NTN1: variants seen among roughly 807,000 people sequenced by gnomAD.
The protein encoded by NTN1 is netrin-1.
NTN1 carries 11 observed loss-of-function variants against 54.2 expected under a neutral mutation model. The observed-to-expected ratio is 0.20, with a 90% CI of 0.13 to 0.34. The LOEUF is 0.34. Among genes scored for constraint, NTN1 ranks in the 10% least tolerant of loss-of-function variants. NTN1 has a pLI of 1.00. For missense variants in NTN1, 740 were observed against 893.1 expected (o/e 0.83, Z 2.18); for synonymous variants, 371 against 382.0 (o/e 0.97, Z 0.33).
In NTN1 at chr17:9,240,196, C is replaced by T. The variant is rs368067419; in HGVS notation, c.*228C>T. The T allele has an allele frequency of 7.0e-3, 1,142 of 162,776 alleles. 8 individuals are homozygous for T. Among genetic ancestry groups the T allele is most frequent in the South Asian group, 0.021 (103 of 5,002 alleles). 10.1% of individuals were successfully genotyped at this position (162,776 alleles called of 1,614,324 possible). On this transcript the variant is annotated 3_prime_UTR_variant, in exon 7 of 7. Transcript: ENST00000173229. ...CGCGTGCACGCGGGGCGGGGTGCGCCGCCGGCCGGGCCCTGGAGAAATGAC... is the reference window on the plus strand; with the variant it reads ...CGCGTGCACGCGGGGCGGGGTGCGCTGCCGGCCGGGCCCTGGAGAAATGAC...
At chr17:9,105,884 G>C (rs1490831996) in intron 2 of NTN1, among the ~76,000 whole-genome samples, 1 of 151,962 alleles carries the variant, frequency 6.6e-6, no homozygotes, top group Non-Finnish European at 1.5e-5. Context: ...GGAAATGAAT[G>C]GTGAGCAGAC....
chr17:9,108,053 T>C (rs1278850733), intron 2 of NTN1, among the ~76,000 whole-genome samples: 1 of 152,208 alleles, frequency 6.6e-6, no homozygotes, highest in Non-Finnish European at 1.5e-5. Flanking sequence ...AATCAAAGAT[T>C]ATAGGCTTGG....
intron 2 of NTN1, among the ~76,000 whole-genome samples, chr17:9,038,389 T>C (rs115450816): frequency 0.016 from 2,494 of 152,216 alleles, 62 homozygotes; most frequent in African/African-American, 0.057. Flanking sequence ...TGTTTTCCCC[T>C]CCTCCCATTT....
intron 5 of NTN1, among the ~76,000 whole-genome samples, chr17:9,197,681 G>C (rs979895075): frequency 1.3e-4 from 20 of 149,908 alleles, no homozygotes; most frequent in African/African-American, 4.7e-4. Flanking sequence ...AAAGAAGGAA[G>C]AAAAAGAAAA....
At chr17:9,010,785 G>A in the NTN1 span, among the ~76,000 whole-genome samples, 1 of 152,192 alleles carries the variant, frequency 6.6e-6, no homozygotes, top group Non-Finnish European at 1.5e-5. Flanking sequence ...TGGGACCAAG[G>A]ACCAGTTTTG....
rs1391109555 is a variant in NTN1 at position 9,135,150 on chromosome 17, C to T, written c.1019-27663C>T. Among the ~76,000 whole-genome samples, 3 of 152,172 alleles carry T rather than the reference C, an allele frequency of 2.0e-5. No individual in the cohort carries two copies. Among genetic ancestry groups the T allele is most frequent in the Non-Finnish European group, 4.4e-5 (3 of 68,020 alleles). ...CCCCTGATGCTCCCGGCCCATCCTCCCTTCTCTACCCCATTCCTTTGTCTT... is the reference window on the plus strand; with the variant it reads ...CCCCTGATGCTCCCGGCCCATCCTCTCTTCTCTACCCCATTCCTTTGTCTT... On this transcript the variant is annotated intron_variant, in intron 2 of 6. Transcript: ENST00000173229. The surrounding 1 kb of genome is among the most constrained non-coding windows in gnomAD (Gnocchi z 4.4).
intron 2 of NTN1, among the ~76,000 whole-genome samples, chr17:9,026,600 C>CA (rs895001391): frequency 6.6e-6 from 1 of 151,866 alleles, no homozygotes; most frequent in African/African-American, 2.4e-5. Context: ...ACATTCAAGG[C>CA]AAAATGCATG....
intron 6 of NTN1, among the ~76,000 whole-genome samples, chr17:9,229,168 G>A (rs1905721603): frequency 1.9e-5 from 1 of 53,162 alleles, no homozygotes; most frequent in Non-Finnish European, 3.6e-5. Flanking sequence ...GTGTGAGACT[G>A]TGTGTGTGTG....
chr17:9,124,752 C>T (rs1265381420), intron 2 of NTN1, among the ~76,000 whole-genome samples: 6 of 152,174 alleles, frequency 3.9e-5, no homozygotes, highest in Non-Finnish European at 8.8e-5. Context: ...TGGTCAGCCA[C>T]GGCGGCAGAG....
intron 2 of NTN1, among the ~76,000 whole-genome samples, chr17:9,141,831 G>T (rs1034168515): frequency 3.3e-5 from 5 of 152,156 alleles, no homozygotes; most frequent in African/African-American, 1.2e-4. Context: ...GGAAGCTGAG[G>T]CGGGTGGATC....
chr17:9,030,914 T>TAGAA (rs902540682), intron 2 of NTN1, among the ~76,000 whole-genome samples: 2 of 152,188 alleles, frequency 1.3e-5, no homozygotes, highest in African/African-American at 4.8e-5. Context: ...AGGAAGGTGC[T>TAGAA]AGAAGTCTGT....
At position 9,212,573 on chromosome 17, in the gene NTN1, T is replaced by G. The variant is rs557117817; in HGVS notation, c.1412-8595T>G. Among the ~76,000 whole-genome samples the G allele has an allele frequency of 6.6e-6, 1 of 152,300 alleles. No homozygotes were observed. Among genetic ancestry groups the G allele is most frequent in the East Asian group, 1.9e-4 (1 of 5,168 alleles). ...ATGGACAGAGCTGGCTGGGTGCCCC[T>G]GTTAGCCCCAGCCTTTCTCCCCTTA... On this transcript the variant is annotated intron_variant, in intron 5 of 6. Coordinates refer to ENST00000173229, the MANE Select transcript of NTN1 (RefSeq NM_004822.3). This position sits in a 1 kb window ranked among gnomAD's most constrained non-coding sequence, Gnocchi z 5.5.
chr17:9,169,662 T>G (rs2092381896), intron 3 of NTN1, among the ~76,000 whole-genome samples: 2 of 152,176 alleles, frequency 1.3e-5, no homozygotes, highest in South Asian at 2.1e-4. Flanking sequence ...GTCAGGATTT[T>G]GAGACCAGCC....
chr17:9,020,234 C>T (rs1459718910), upstream of NTN1, among the ~76,000 whole-genome samples: 13 of 152,260 alleles, frequency 8.5e-5, no homozygotes, highest in African/African-American at 3.1e-4. Context: ...GAACCAGGAC[C>T]TGGGGCTTTT....
chr17:9,185,691 C>T (rs2142322396), intron 5 of NTN1, among the ~76,000 whole-genome samples: 1 of 152,292 alleles, frequency 6.6e-6, no homozygotes, highest in African/African-American at 2.4e-5. Context: ...CTGGCACTCA[C>T]CTACTTGTTG....
chr17:9,229,889 C>T (rs1056434424), intron 6 of NTN1, among the ~76,000 whole-genome samples: 1 of 152,050 alleles, frequency 6.6e-6, no homozygotes, highest in African/African-American at 2.4e-5. Context: ...CACTATGGAG[C>T]TGATGTGGGT....
At chr17:9,115,475 A>G (rs2092208193) in intron 2 of NTN1, among the ~76,000 whole-genome samples, 1 of 152,276 alleles carries the variant, frequency 6.6e-6, no homozygotes, top group South Asian at 2.1e-4. Context: ...TGGCTGGACC[A>G]GTGTCCTCAT....
intron 2 of NTN1, among the ~76,000 whole-genome samples, chr17:9,115,740 CG>C (rs1243267062): frequency 6.6e-6 from 1 of 152,212 alleles, no homozygotes; most frequent in Non-Finnish European, 1.5e-5. Context: ...GACAAACGAA[CG>C]GATGGGCCGT....
intron 5 of NTN1, among the ~76,000 whole-genome samples, chr17:9,187,654 C>CAAAAAAAAAAAAAAAAAAAAAAAAAAAAA: frequency 1.9e-5 from 1 of 52,902 alleles, no homozygotes; most frequent in Non-Finnish European, 3.2e-5. Context: ...CTCATCTCTC[C>CAAAAAAAAAAAAAAAAAAAAAAAAAAAAA]AAAAAAAAAA....
Sources: gnomAD v4.1 joint callset for allele counts (sites outside exome capture counted in the v4.1 genomes callset) on GRCh38, gnomAD v4.1.1 for gene constraint, Gnocchi (gnomAD v3.1) non-coding constraint, MANE v1.5 for transcripts, NCBI Gene and HGNC (gene_info 2026-07-23, HGNC 2026-07-21) for gene names.